MGAT4C: variants seen among roughly 807,000 people sequenced by gnomAD.
MGAT4C encodes alpha-1,3-mannosyl-glycoprotein 4-beta-N-acetylglucosaminyltransferase C.
A neutral mutation model predicts 40.1 loss-of-function variants in MGAT4C; 19 were observed. The observed-to-expected ratio is 0.47, with a 90% CI of 0.33 to 0.70. MGAT4C has a LOEUF of 0.70. MGAT4C is among the 30% of genes least tolerant of loss of function. The pLI is 0.02. For synonymous variants in MGAT4C, 181 were observed against 187.1 expected, an observed-to-expected ratio of 0.97 and a Z score of 0.27; for missense variants, 491 against 563.2, an observed-to-expected ratio of 0.87 and a Z score of 1.30.
intron 2 of MGAT4C, among the ~76,000 whole-genome samples, chr12:86,487,384 G>T (rs1958038163): frequency 6.6e-6 from 1 of 152,166 alleles, no homozygotes; most frequent in African/African-American, 2.4e-5. Flanking sequence ...TGACTTTGCA[G>T]ATCAGACTTA....
intron 2 of MGAT4C, among the ~76,000 whole-genome samples, chr12:86,583,591 G>A (rs978290473): frequency 7.3e-5 from 11 of 151,014 alleles, no homozygotes; most frequent in East Asian, 1.9e-4. Context: ...TATTTAAATG[G>A]TACCACAAAG....
chr12:85,995,265 A>G (rs1886477204), intron 2 of MGAT4C, among the ~76,000 whole-genome samples: 1 of 152,158 alleles, frequency 6.6e-6, no homozygotes, highest in African/African-American at 2.4e-5. Context: ...GCCAATTAGG[A>G]GACAGAAATA....
intron 3 of MGAT4C, among the ~76,000 whole-genome samples, chr12:86,389,685 G>A (rs77661698): frequency 0.019 from 2,904 of 152,164 alleles, 40 homozygotes; most frequent in South Asian, 0.05. Context: ...TAAATTATAA[G>A]GTGAATCTCA....
intron 3 of MGAT4C, among the ~76,000 whole-genome samples, chr12:86,411,010 G>A (rs376777268): frequency 1.0e-5 from 1 of 98,462 alleles, no homozygotes; most frequent in African/African-American, 4.1e-5. Context: ...ATAATTGTAA[G>A]TTTCCTGAGG....
chr12:86,828,117 C>G (rs937927329), intron 1 of MGAT4C, among the ~76,000 whole-genome samples: 5 of 150,684 alleles, frequency 3.3e-5, no homozygotes, highest in African/African-American at 1.2e-4. Context: ...GAAATAGAAT[C>G]AAATGCATTT....
At chr12:86,716,700 A>T (rs548912034) in intron 2 of MGAT4C, among the ~76,000 whole-genome samples, 1 of 152,226 alleles carries the variant, frequency 6.6e-6, no homozygotes, top group South Asian at 2.1e-4. Context: ...CAAATGTCCT[A>T]TTCCTCTGAT....
chr12:86,578,466 G>A (rs1465307397), intron 2 of MGAT4C, among the ~76,000 whole-genome samples: 1 of 151,752 alleles, frequency 6.6e-6, no homozygotes, highest in African/African-American at 2.4e-5. Flanking sequence ...TTACATGTTT[G>A]GTAGAATTCA....
At chr12:86,328,628 G>T (rs1164473801) in intron 4 of MGAT4C, among the ~76,000 whole-genome samples, 1 of 151,906 alleles carries the variant, frequency 6.6e-6, no homozygotes, top group Non-Finnish European at 1.5e-5. Flanking sequence ...ATATTATGAA[G>T]ACTACAAATT....
chr12:86,760,537 A>C (rs1038757015), intron 1 of MGAT4C, among the ~76,000 whole-genome samples: 1 of 152,062 alleles, frequency 6.6e-6, no homozygotes, highest in African/African-American at 2.4e-5. Flanking sequence ...CAACCTAAGA[A>C]AAGAACAAAC....
At chr12:86,382,580 A>C (rs1256688137) in intron 3 of MGAT4C, among the ~76,000 whole-genome samples, 2 of 152,216 alleles carry the variant, frequency 1.3e-5, no homozygotes, top group Non-Finnish European at 2.9e-5. Context: ...AAATGTCTCC[A>C]GGGCATGTCA....
At chr12:86,711,788 G>A (rs1950560177) in intron 2 of MGAT4C, among the ~76,000 whole-genome samples, 1 of 152,092 alleles carries the variant, frequency 6.6e-6, no homozygotes, top group South Asian at 2.1e-4. Flanking sequence ...TTGTATCAGA[G>A]CCAGACACAC....
intron 2 of MGAT4C, among the ~76,000 whole-genome samples, chr12:86,660,621 T>C (rs1473615247): frequency 6.6e-6 from 1 of 152,104 alleles, no homozygotes; most frequent in Non-Finnish European, 1.5e-5. Context: ...TAATAGAAAC[T>C]GGATGATATT....
intron 1 of MGAT4C, among the ~76,000 whole-genome samples, chr12:86,110,380 A>T (rs1422326219): frequency 8.4e-6 from 1 of 119,264 alleles, no homozygotes; most frequent in Non-Finnish European, 1.8e-5. Context: ...GGTTGAAGTG[A>T]AATTAGCAAT....
intron 1 of MGAT4C, among the ~76,000 whole-genome samples, chr12:86,110,306 A>ATATATAGAC (rs1555224781): frequency 6.6e-5 from 1 of 15,182 alleles, no homozygotes; most frequent in African/African-American, 2.4e-4. Context: ...CTCTCTATAT[A>ATATATAGAC]TATATATATA....
intron 2 of MGAT4C, among the ~76,000 whole-genome samples, chr12:86,676,294 G>A (rs1249758327): frequency 6.6e-6 from 1 of 152,174 alleles, no homozygotes. Context: ...TGAGTGCCCT[G>A]TAGAGAACAT....
intron 2 of MGAT4C, among the ~76,000 whole-genome samples, chr12:86,539,677 C>T (rs891133651): frequency 2.3e-4 from 35 of 152,194 alleles, no homozygotes; most frequent in Admixed American, 2.2e-3. Flanking sequence ...ACATCCTCTC[C>T]AGCACCTGTT....
At chr12:86,731,002 T>C (rs1565952842) in intron 1 of MGAT4C, among the ~76,000 whole-genome samples, 3 of 152,112 alleles carry the variant, frequency 2.0e-5, no homozygotes, top group Non-Finnish European at 2.9e-5. Flanking sequence ...AATTTGCTTT[T>C]GGTCAACTAG....
intron 1 of MGAT4C, among the ~76,000 whole-genome samples, chr12:86,104,447 A>C (rs543054424): frequency 6.6e-6 from 1 of 151,942 alleles, no homozygotes; most frequent in South Asian, 2.1e-4. Flanking sequence ...CTCAAGAAAA[A>C]ACAAACAAAT....
chr12:86,166,749 C>A (rs926329537), intron 1 of MGAT4C, among the ~76,000 whole-genome samples: 20 of 152,210 alleles, frequency 1.3e-4, no homozygotes, highest in Admixed American at 2.6e-4. Flanking sequence ...CTAAATAATC[C>A]TTACCTTCCT....
Sources: allele counts gnomAD v4.1 joint callset (sites outside exome capture counted in the v4.1 genomes callset), GRCh38; gene constraint gnomAD v4.1.1; transcripts MANE v1.5; gene names NCBI Gene and HGNC (gene_info 2026-07-23, HGNC 2026-07-21).